Variants in RFC3 observed in about 807,000 individuals in gnomAD.
RFC3 encodes replication factor C subunit 3.
A neutral mutation model predicts 45.1 loss-of-function variants in RFC3; 41 were observed. That is an observed-to-expected ratio of 0.91 (90% CI 0.71 to 1.18). The LOEUF is 1.18. RFC3 is among the 50% of genes most tolerant of loss of function. The pLI is 0.00. For synonymous variants in RFC3, 149 were observed against 144.0 expected (o/e 1.03, Z -0.25); for missense variants, 423 against 428.1 (o/e 0.99, Z 0.10).
chr13:33,849,628 A>G (rs1397784511), intron 8 of RFC3: 1 of 152,130 alleles, frequency 6.6e-6, no homozygotes, highest in Non-Finnish European at 1.5e-5. Context: ...CATGCCTGTA[A>G]TCCCAAAGGA....
chr13:33,828,674 A>G (rs894124971), intron 4 of RFC3, among the ~76,000 whole-genome samples: 2 of 152,164 alleles, frequency 1.3e-5, no homozygotes, highest in African/African-American at 4.8e-5. Context: ...CTACAGGCAC[A>G]CACCACCATG....
downstream of RFC3, among the ~76,000 whole-genome samples, chr13:33,967,362 A>G (rs1026771825): frequency 3.3e-5 from 5 of 152,264 alleles, no homozygotes; most frequent in East Asian, 9.6e-4. Flanking sequence ...TTAATGAGTT[A>G]AGTTTGTTTA....
chr13:33,893,791 C>T (rs894587256), intron 8 of RFC3, among the ~76,000 whole-genome samples: 4 of 151,804 alleles, frequency 2.6e-5, no homozygotes, highest in Non-Finnish European at 4.4e-5. Context: ...AAGAAAGAAT[C>T]AGTCACCTCA....
At chr13:33,868,150 A>G (rs1566008890) in intron 8 of RFC3, among the ~76,000 whole-genome samples, 1 of 152,122 alleles carries the variant, frequency 6.6e-6, no homozygotes, top group Non-Finnish European at 1.5e-5. Context: ...TGAAGAACAT[A>G]TGTGGATATC....
chr13:33,956,898 G>C (rs1593717921), intron 8 of RFC3, among the ~76,000 whole-genome samples: 2 of 152,122 alleles, frequency 1.3e-5, no homozygotes, highest in South Asian at 4.2e-4. Context: ...CTTTCCTTCT[G>C]TCTATATGTT....
At chr13:33,848,428 A>G (rs1487500349) in intron 8 of RFC3, 2 of 152,244 alleles carry the variant, frequency 1.3e-5, no homozygotes, top group Admixed American at 6.5e-5. Flanking sequence ...ACATCCAGAC[A>G]TGAGGTGCTT....
At chr13:33,888,104 T>C (rs977541207) in intron 8 of RFC3, among the ~76,000 whole-genome samples, 5 of 151,970 alleles carry the variant, frequency 3.3e-5, no homozygotes, top group Admixed American at 6.6e-5. Flanking sequence ...ATTGACTTGG[T>C]GATGCAGGCT....
chr13:33,963,737 G>T (rs923357942), intron 8 of RFC3, among the ~76,000 whole-genome samples: 6 of 152,104 alleles, frequency 3.9e-5, no homozygotes, highest in Non-Finnish European at 7.4e-5. Context: ...TCTCTCTGTG[G>T]AATGACAGTT....
chr13:33,943,090 A>C (rs1001166225), intron 8 of RFC3, among the ~76,000 whole-genome samples: 3 of 152,206 alleles, frequency 2.0e-5, no homozygotes, highest in African/African-American at 4.8e-5. Context: ...AAAAAATAGC[A>C]TGTGAACTAG....
Position 33,836,236 on chromosome 13 carries a change from A to G in RFC3, c.1012A>G (p.Lys338Glu). ...AIYHLEAFVA[K>E]FMALYKKFME... ...TTATCACTTGGAAGCGTTTGTGGCC[A>G]AATTCATGGCACTTTATAAGAAGTT... The change falls in exon 9 of 9, where the codon AAA becomes GAA. Residue 338 changes from lysine (K) to glutamate (E), a missense_variant. Lys to Glu is a moderately conservative substitution (Grantham distance 56). Transcript: ENST00000380071. The G allele has an allele frequency of 1.9e-6, 3 of 1,613,512 alleles. No individual in the cohort carries two copies. The highest frequency in any genetic ancestry group is 2.5e-6 in the Non-Finnish European group (3 of 1,179,548).
intron 8 of RFC3, among the ~76,000 whole-genome samples, chr13:33,914,602 A>G (rs2082722208): frequency 6.6e-6 from 1 of 152,162 alleles, no homozygotes; most frequent in Non-Finnish European, 1.5e-5. Context: ...GGAGAAAATA[A>G]TTCAGCCAAA....
intron 8 of RFC3, among the ~76,000 whole-genome samples, chr13:33,864,656 A>G (rs904316535): frequency 6.6e-6 from 1 of 152,100 alleles, no homozygotes; most frequent in Non-Finnish European, 1.5e-5. Flanking sequence ...TGAAGAGATC[A>G]CCAGTAGTCT....
Position 33,872,795 on chromosome 13 carries a change from C to CA in RFC3, c.879+37578_879+37579insA, listed in dbSNP as rs1555235489. On this transcript the variant is annotated intron_variant, in intron 8 of 8. Coordinates refer to the RFC3 transcript ENST00000434425. ...AACAAAAAAAGAAAGAAACCAAACC[C>CA]CCCCCCCCAAAATACATGGTAGGCA... 3.7e-4 allele frequency among the ~76,000 whole-genome samples: 49 copies of CA among 131,642 alleles called. 5 individuals carry two copies. The East Asian group carries it at 6.3e-3, about 17-fold the overall frequency. The allele number at this position is 131,642 out of a possible 152,430, so 86.4% of individuals were successfully genotyped here. A position where few individuals can be genotyped will look rare whatever the true frequency, so the allele number is the denominator to read the frequency against.
chr13:33,916,798 GTATATGTGTGTA>G (rs2082736522), intron 8 of RFC3, among the ~76,000 whole-genome samples: 1 of 148,568 alleles, frequency 6.7e-6, no homozygotes, highest in African/African-American at 2.6e-5. Context: ...GTATGCGTAT[GTATATGTGTGTA>G]TATATGTGTG....
intron 8 of RFC3, among the ~76,000 whole-genome samples, chr13:33,934,305 C>T (rs2082872297): frequency 1.3e-5 from 2 of 151,956 alleles, no homozygotes; most frequent in South Asian, 4.2e-4. Context: ...TGCACTCCAG[C>T]CTGGGTGACA....
chr13:33,888,850 A>G (rs1464424353), intron 8 of RFC3, among the ~76,000 whole-genome samples: 1 of 150,130 alleles, frequency 6.7e-6, no homozygotes, highest in African/African-American at 2.5e-5. Context: ...GGTTCACGCC[A>G]TTCTCCTGTC....
Position 33,831,254 on chromosome 13 carries a change from A to G in RFC3, c.711-2A>G. 2 of 1,557,206 alleles carry G rather than the reference A, an allele frequency of 1.3e-6. No homozygotes were observed. The highest frequency in any genetic ancestry group is 2.7e-5 in the African/African-American group (2 of 73,842). On this transcript the variant is annotated splice_acceptor_variant, in intron 6 of 8. Coordinates refer to ENST00000380071, the MANE Select transcript of RFC3 (RefSeq NM_002915.4). LOFTEE classifies it high-confidence loss of function. The stretch of plus-strand genomic sequence containing the variant: ...TTCTTGTGTTCTCTTTTTGTCATGT[A>G]GATATCCTTTTACTGCAGATCAAGA...
rs1571521 is a variant in RFC3, at chr13:33,962,206, T to G, written c.880-3881T>G. On this transcript the variant is annotated intron_variant, in intron 8 of 8. Coordinates refer to the RFC3 transcript ENST00000434425. ...TGTTCATGCCACTTCAAATCCTAAT[T>G]TGAGAATTAGCCAGAGCTATGAGGG... is the stretch of plus-strand genomic sequence containing the variant. 4.9e-3 allele frequency among the ~76,000 whole-genome samples: 748 copies of G among 152,246 alleles called. 7 individuals are homozygous for G. The highest frequency in any genetic ancestry group is 0.017 in the African/African-American group (702 of 41,544).
intron 8 of RFC3, among the ~76,000 whole-genome samples, chr13:33,892,061 T>C (rs1183114613): frequency 6.6e-6 from 1 of 152,208 alleles, no homozygotes; most frequent in East Asian, 1.9e-4. Flanking sequence ...TTTGGTCAGA[T>C]AACTATCCAA....
Sources: allele counts gnomAD v4.1 joint callset (sites outside exome capture counted in the v4.1 genomes callset), GRCh38; gene constraint gnomAD v4.1.1; transcripts MANE v1.5; gene names NCBI Gene and HGNC (gene_info 2026-07-23, HGNC 2026-07-21).